Variants in NUP93 observed in about 807,000 individuals in gnomAD.
The protein encoded by NUP93 is nucleoporin 93.
NUP93 carries 55 observed loss-of-function variants against 107.8 expected under a neutral mutation model. The observed-to-expected ratio is 0.51, with a 90% CI of 0.41 to 0.64. NUP93 has a LOEUF of 0.64. Among genes scored for constraint, NUP93 ranks in the 30% least tolerant of loss-of-function variants. The pLI is 0.00. For synonymous variants in NUP93, 390 were observed against 397.5 expected (o/e 0.98, Z 0.22); for missense variants, 937 against 1,044.7 (o/e 0.90, Z 1.42).
chr16:56,815,336 G>A (rs1963398117), intron 5 of NUP93, among the ~76,000 whole-genome samples: 1 of 152,172 alleles, frequency 6.6e-6, no homozygotes, highest in East Asian at 1.9e-4. Flanking sequence ...CTCTGTTTTA[G>A]AAAGGTGGCT....
At chr16:56,745,796 T>C (rs191919674) in intron 1 of NUP93, among the ~76,000 whole-genome samples, 376 of 152,346 alleles carry the variant, frequency 2.5e-3, no homozygotes, top group African/African-American at 7.5e-3. Context: ...AGATTCAACC[T>C]TTATTTTACC....
intron 5 of NUP93, among the ~76,000 whole-genome samples, chr16:56,815,167 C>T (rs1181051038): frequency 6.6e-6 from 1 of 152,118 alleles, no homozygotes; most frequent in East Asian, 1.9e-4. Context: ...CAAGGCTGCT[C>T]ATGTATATTT....
intron 5 of NUP93, among the ~76,000 whole-genome samples, chr16:56,807,060 T>C (rs999472409): frequency 6.6e-6 from 1 of 152,232 alleles, no homozygotes; most frequent in Non-Finnish European, 1.5e-5. Flanking sequence ...AGTCTTCACT[T>C]TGACATGTGG....
At chr16:56,785,214 G>A (rs573279671) in intron 3 of NUP93, among the ~76,000 whole-genome samples, 2 of 152,262 alleles carry the variant, frequency 1.3e-5, no homozygotes, top group African/African-American at 4.8e-5. Flanking sequence ...GGATGACATG[G>A]GGGGTATCAC....
At chr16:56,803,385 AACTCAGGAGGCGG>A (rs1319196227) in intron 4 of NUP93, among the ~76,000 whole-genome samples, 1 of 152,122 alleles carries the variant, frequency 6.6e-6, no homozygotes, top group African/African-American at 2.4e-5. Context: ...AGGTGGCATG[AACTCAGGAGGCGG>A]AGTTTGCAGT....
intron 5 of NUP93, among the ~76,000 whole-genome samples, chr16:56,812,068 T>A (rs1248449539): frequency 1.3e-5 from 2 of 152,186 alleles, no homozygotes; most frequent in East Asian, 3.8e-4. Context: ...TCTGGGTACC[T>A]TATTGTCAGG....
At chr16:56,777,729 G>A (rs1962441105) in intron 3 of NUP93, among the ~76,000 whole-genome samples, 1 of 152,196 alleles carries the variant, frequency 6.6e-6, no homozygotes, top group Admixed American at 6.5e-5. Context: ...TTTGGGAATT[G>A]AATACTGTTG....
At chr16:56,827,349 C>T (rs1273322578) in intron 8 of NUP93, among the ~76,000 whole-genome samples, 3 of 152,082 alleles carry the variant, frequency 2.0e-5, no homozygotes, top group Non-Finnish European at 4.4e-5. Flanking sequence ...CATCATTTTG[C>T]GACCACCAGT....
intron 8 of NUP93, among the ~76,000 whole-genome samples, chr16:56,824,602 A>T (rs1963618878): frequency 6.6e-6 from 1 of 152,232 alleles, no homozygotes; most frequent in Non-Finnish European, 1.5e-5. Flanking sequence ...ACACTTGCTA[A>T]ATTGCAGGCC....
At chr16:56,780,391 A>G (rs1401121610) in intron 3 of NUP93, among the ~76,000 whole-genome samples, 3 of 152,188 alleles carry the variant, frequency 2.0e-5, no homozygotes, top group African/African-American at 4.8e-5. Flanking sequence ...GGAAATCATG[A>G]GTTGATTTTT....
At chr16:56,733,592 A>G (rs1263187253) in intron 1 of NUP93, among the ~76,000 whole-genome samples, 1 of 152,078 alleles carries the variant, frequency 6.6e-6, no homozygotes, top group Non-Finnish European at 1.5e-5. Flanking sequence ...GAGAGAAGTG[A>G]TGAGTCTGAT....
At chr16:56,815,865 ACTGCTGCTGCTGCTGCTG>A (rs59958027) in intron 5 of NUP93, among the ~76,000 whole-genome samples, 10 of 146,968 alleles carry the variant, frequency 6.8e-5, no homozygotes, top group Admixed American at 1.4e-4. Context: ...TACTACTGCT[ACTGCTGCTGCTGCTGCTG>A]CTGCTGCTGC....
chr16:56,770,201 G>A (rs1962294593), intron 3 of NUP93, among the ~76,000 whole-genome samples: 1 of 152,224 alleles, frequency 6.6e-6, no homozygotes, highest in South Asian at 2.1e-4. Context: ...GAGTATGCAA[G>A]AGTAGGTGAC....
intron 2 of NUP93, among the ~76,000 whole-genome samples, chr16:56,752,981 A>C (rs1233133711): frequency 6.6e-6 from 1 of 152,246 alleles, no homozygotes; most frequent in African/African-American, 2.4e-5. Context: ...AGAGGCTTCT[A>C]CTGGCCAAAG....
At chr16:56,834,687 T>C in intron 15 of NUP93, 47 bp from the exon 16 acceptor site, 1 of 1,538,416 alleles carries the variant, frequency 6.5e-7, no homozygotes, top group Non-Finnish European at 9.0e-7. Flanking sequence ...ATGGAATATG[T>C]TTATATCTTT....
intron 3 of NUP93, chr16:56,783,806 G>A (rs547987948): frequency 2.1e-5 from 21 of 985,384 alleles, no homozygotes; most frequent in South Asian, 4.7e-5. Flanking sequence ...TTTGCACATT[G>A]TATAGAAGAG....
chr16:56,770,046 G>A (rs1962291632), intron 3 of NUP93, among the ~76,000 whole-genome samples: 1 of 152,196 alleles, frequency 6.6e-6, no homozygotes, highest in Admixed American at 6.5e-5. Context: ...ATAAAAGTGA[G>A]GAATTGACAT....
At chr16:56,772,970 G>A (rs538730620) in intron 3 of NUP93, among the ~76,000 whole-genome samples, 23 of 152,202 alleles carry the variant, frequency 1.5e-4, no homozygotes, top group Non-Finnish European at 3.4e-4. Context: ...TTGATCACCA[G>A]TGGCCAGTGG....
At chr16:56,745,587 T>G (rs927683457) in intron 1 of NUP93, among the ~76,000 whole-genome samples, 1 of 152,078 alleles carries the variant, frequency 6.6e-6, no homozygotes, top group African/African-American at 2.4e-5. Flanking sequence ...ACAGGCAGAT[T>G]CTGGATATAT....
Sources: gnomAD v4.1 joint callset for allele counts (sites outside exome capture counted in the v4.1 genomes callset) on GRCh38, gnomAD v4.1.1 for gene constraint, MANE v1.5 for transcripts, NCBI Gene and HGNC (gene_info 2026-07-23, HGNC 2026-07-21) for gene names.